NKD1: variants seen among roughly 807,000 people sequenced by gnomAD.
NKD1 encodes protein naked cuticle homolog 1.
Under a neutral mutation model 56.0 loss-of-function variants are expected in NKD1, and 21 were observed. That is an observed-to-expected ratio of 0.38 (90% confidence interval 0.27 to 0.54). The LOEUF is 0.54. NKD1 is among the 20% of genes least tolerant of loss of function. NKD1 has a pLI of 0.82. For synonymous variants in NKD1, 263 were observed against 265.7 expected, an observed-to-expected ratio of 0.99 and a Z score of 0.10; for missense variants, 578 against 642.7, an observed-to-expected ratio of 0.90 and a Z score of 1.09.
chr16:50,592,290 C>T (rs1338892690), intron 3 of NKD1, among the ~76,000 whole-genome samples: 1 of 152,242 alleles, frequency 6.6e-6, no homozygotes, highest in Non-Finnish European at 1.5e-5. Flanking sequence ...CCCCAAGTCA[C>T]TGGCTCTGAG....
intron 3 of NKD1, among the ~76,000 whole-genome samples, chr16:50,596,997 A>G (rs1025324734): frequency 1.3e-5 from 2 of 152,000 alleles, no homozygotes; most frequent in African/African-American, 4.8e-5. Flanking sequence ...ATGGGGAGGA[A>G]CAGAAGGGGT....
intron 3 of NKD1, among the ~76,000 whole-genome samples, chr16:50,583,888 G>A (rs892962280): frequency 7.9e-5 from 12 of 152,162 alleles, no homozygotes; most frequent in Non-Finnish European, 1.8e-4. Context: ...TCTAAACACA[G>A]TAACTTTTTG....
chr16:50,559,509 C>T (rs183982769), intron 3 of NKD1, among the ~76,000 whole-genome samples: 2 of 152,128 alleles, frequency 1.3e-5, no homozygotes, highest in East Asian at 1.9e-4. Flanking sequence ...GCCTCCTTCT[C>T]GGTGTCTGAC....
chr16:50,561,393 T>TAA lies in NKD1; in HGVS notation c.192+11852_192+11853dup, dbSNP rs10692410. 5.2e-3 allele frequency among the ~76,000 whole-genome samples: 729 copies of TAA among 141,110 alleles called. 4 individuals carry two copies. The highest frequency in any genetic ancestry group is 0.018 in the African/African-American group (692 of 38,946). 92.6% of individuals were successfully genotyped at this position (141,110 alleles called of 152,430 possible). On this transcript the variant is annotated intron_variant, in intron 3 of 9. Coordinates refer to ENST00000268459, the MANE Select transcript of NKD1 (RefSeq NM_033119.5). ...GGAGAAGGCTTTGTTTCTACTGCTGTAAAAAAAAAAAAAAAGTCCAAAGAT... is the reference window on the plus strand; with the variant it reads ...GGAGAAGGCTTTGTTTCTACTGCTGTAAAAAAAAAAAAAAAAAGTCCAAAGAT...
intron 6 of NKD1, among the ~76,000 whole-genome samples, chr16:50,626,143 T>C (rs1003563954): frequency 2.0e-5 from 3 of 152,204 alleles, no homozygotes; most frequent in East Asian, 3.9e-4. Context: ...TTCTTCCTTA[T>C]CCCTCTGCAG....
In NKD1 at chr16:50,598,243, G is replaced by A. The variant is rs1423770077; in HGVS notation, c.193-10051G>A. Reference sequence around the variant, plus strand: ...ATGGGTGGACTCTGTGTGTGTGTGTGTGTGTGTGTGTGTGTGTGTGCGCGC... The same window carrying A: ...ATGGGTGGACTCTGTGTGTGTGTGTATGTGTGTGTGTGTGTGTGTGCGCGC... On this transcript the variant is annotated intron_variant, in intron 3 of 9. Transcript: ENST00000268459. This position sits in a 1 kb window ranked among gnomAD's most constrained non-coding sequence, Gnocchi z 4.2. Among the ~76,000 whole-genome samples, 1 of 148,440 alleles carries A rather than the reference G, an allele frequency of 6.7e-6. No individual in the cohort carries two copies. Among genetic ancestry groups the A allele is most frequent in the Non-Finnish European group, 1.5e-5 (1 of 67,716 alleles).
At chr16:50,625,704 C>T in intron 6 of NKD1, 124 bp downstream of exon 6, 4 of 667,744 alleles carry the variant, frequency 6.0e-6, no homozygotes, top group Non-Finnish European at 2.7e-6. Flanking sequence ...AAGGCCGTAA[C>T]AGCCAGGGAG....
At chr16:50,605,487 G>T (rs947791956) in intron 3 of NKD1, among the ~76,000 whole-genome samples, 3 of 152,178 alleles carry the variant, frequency 2.0e-5, no homozygotes. Flanking sequence ...TTATCCATGG[G>T]CTATGTATTT....
In NKD1 at chr16:50,643,175, C is replaced by T. The variant is rs1209902532; in HGVS notation, c.*9394C>T. On this transcript the variant is annotated 3_prime_UTR_variant, in exon 10 of 10. Coordinates refer to ENST00000268459, the MANE Select transcript of NKD1 (RefSeq NM_033119.5). The stretch of plus-strand genomic sequence containing the variant: ...TAAGCTGCAGGATCGCTGAGGAGTC[C>T]ACATTGCCATATCTGCCACTTACAG... 3 of 152,258 alleles carry T rather than the reference C, an allele frequency of 2.0e-5. No individual in the cohort carries two copies. The highest frequency in any genetic ancestry group is 7.2e-5 in the African/African-American group (3 of 41,458). 9.4% of individuals were successfully genotyped at this position (152,258 alleles called of 1,614,324 possible).
intron 3 of NKD1, among the ~76,000 whole-genome samples, chr16:50,577,108 G>A (rs1961009396): frequency 6.6e-6 from 1 of 152,188 alleles, no homozygotes; most frequent in Admixed American, 6.5e-5. Flanking sequence ...TTGGTGGAAG[G>A]AATAGGGTCT....
At position 50,598,971 on chromosome 16, in the gene NKD1, G is replaced by C. The variant is rs1182980759; in HGVS notation, c.193-9323G>C. On this transcript the variant is annotated intron_variant, in intron 3 of 9. Transcript: ENST00000268459. This position sits in a 1 kb window ranked among gnomAD's most constrained non-coding sequence, Gnocchi z 4.2. The stretch of plus-strand genomic sequence containing the variant: ...GGGGTCAGTGGTGTGGTGGGCAGTG[G>C]CTTAGAGAGGTCAGTGGTGGGTGGG... Among the ~76,000 whole-genome samples the C allele has an allele frequency of 1.3e-5, 2 of 151,926 alleles. No homozygotes were observed. Among genetic ancestry groups the C allele is most frequent in the East Asian group, 3.9e-4 (2 of 5,156 alleles).
At position 50,623,059 on chromosome 16, in the gene NKD1, C is replaced by T. The variant is rs1596752478; in HGVS notation, c.366+1351C>T. On this transcript the variant is annotated intron_variant, in intron 5 of 9. Transcript: ENST00000268459. This position sits in a 1 kb window ranked among gnomAD's most constrained non-coding sequence, Gnocchi z 4.1. ...GTTGGGAGAGGGGTGCACAGGGGAG[C>T]CTTTGGGGTGAGAAGGGCCTATCAG... 6.6e-6 allele frequency among the ~76,000 whole-genome samples: 1 copy of T among 151,978 alleles called. No homozygotes were observed. The highest frequency in any genetic ancestry group is 1.5e-5 in the Non-Finnish European group (1 of 67,974).
At position 50,630,848 on chromosome 16, in the gene NKD1, A is replaced by C; in HGVS notation, c.633A>C (p.Arg211=). The change falls in exon 8 of 10, where the codon CGA becomes CGC. Residue 211 remains arginine, a synonymous_variant. Transcript: ENST00000268459. ...NQADLQSARP[R]AETKPTEDLR... is the part of the protein sequence containing the mutation. The stretch of plus-strand genomic sequence containing the variant: ...CAGACCTGCAGAGCGCAAGGCCCCG[A>C]GCAGAGACCAAGCCCACTGAGGACC... The C allele has an allele frequency of 6.2e-7, 1 of 1,606,368 alleles. No homozygotes were observed. The highest frequency in any genetic ancestry group is 8.5e-7 in the Non-Finnish European group (1 of 1,177,002).
chr16:50,579,042 G>T (rs1371941210), intron 3 of NKD1, among the ~76,000 whole-genome samples: 2 of 152,112 alleles, frequency 1.3e-5, no homozygotes, highest in African/African-American at 4.8e-5. Flanking sequence ...CACTATACAC[G>T]CACTCTAACC....
intron 3 of NKD1, chr16:50,552,094 G>C (rs1463280762): frequency 1.3e-5 from 2 of 152,198 alleles, no homozygotes; most frequent in Non-Finnish European, 2.9e-5. Flanking sequence ...GGCCTGTTTT[G>C]GGGCTAGTCT....
chr16:50,554,733 C>T lies in NKD1; in HGVS notation c.192+5178C>T, dbSNP rs1193966601. ...TGTGGCCTCACAGTGATCCTCCTGC[C>T]TCAGCCTCCTGAGTAGCTGGGACTA... On this transcript the variant is annotated intron_variant, in intron 3 of 9. Transcript: ENST00000268459. 2.6e-5 allele frequency among the ~76,000 whole-genome samples: 4 copies of T among 152,166 alleles called. No individual in the cohort carries two copies. In the East Asian group the frequency reaches 7.7e-4, roughly 29 times the overall value.
chr16:50,592,026 AGCCCATTGCACCT>A (rs1008699179), intron 3 of NKD1, among the ~76,000 whole-genome samples: 4 of 152,200 alleles, frequency 2.6e-5, no homozygotes, highest in Admixed American at 6.5e-5. Context: ...AGATTGGAGA[AGCCCATTGCACCT>A]GCCCCATTTG....
At position 50,644,634 on chromosome 16, in the gene NKD1, G is replaced by A. The variant is rs1164613749; in HGVS notation, c.*10853G>A. 1 of 152,128 alleles carries A rather than the reference G, an allele frequency of 6.6e-6. No individual in the cohort carries two copies. Among genetic ancestry groups the A allele is most frequent in the East Asian group, 1.9e-4 (1 of 5,186 alleles). 9.4% of individuals were successfully genotyped at this position (152,128 alleles called of 1,614,324 possible). A position where few individuals can be genotyped will look rare whatever the true frequency, so the allele number is the denominator to read the frequency against. On this transcript the variant is annotated 3_prime_UTR_variant, in exon 10 of 10. Transcript: ENST00000268459. ...GGCTCTCAGCACATCTAGGTACTGGGGCCCAGGGTGACTCTGAGTGGCTCA... is the reference window on the plus strand; with the variant it reads ...GGCTCTCAGCACATCTAGGTACTGGAGCCCAGGGTGACTCTGAGTGGCTCA...
intron 3 of NKD1, 68 bp from the exon 4 acceptor site, chr16:50,608,226 T>C (rs730055): frequency 0.039 from 41,801 of 1,082,144 alleles, 3,576 homozygotes; most frequent in African/African-American, 0.32. Context: ...CTCATGGCAC[T>C]GCTTTTAACG....
Sources: gnomAD v4.1 joint callset for allele counts (sites outside exome capture counted in the v4.1 genomes callset) on GRCh38, gnomAD v4.1.1 for gene constraint, Gnocchi (gnomAD v3.1) non-coding constraint, MANE v1.5 for transcripts, NCBI Gene and HGNC (gene_info 2026-07-23, HGNC 2026-07-21) for gene names.